Variants in HADHB observed in about 807,000 individuals in gnomAD.
HADHB encodes hydroxyacyl-CoA dehydrogenase trifunctional multienzyme complex subunit beta, also known as trifunctional enzyme subunit beta, mitochondrial.
HADHB carries 50 observed loss-of-function variants against 61.9 expected under a neutral mutation model. That is an observed-to-expected ratio of 0.81 (90% CI 0.64 to 1.02). The LOEUF is 1.02. Among genes scored for constraint, HADHB ranks in the 50% least tolerant of loss-of-function variants. HADHB has a pLI of 0.00. For missense variants in HADHB, 504 were observed against 586.5 expected (o/e 0.86, Z 1.45); for synonymous variants, 191 against 201.6 (o/e 0.95, Z 0.45).
chr2:26,264,834 A>G (rs2147811263), intron 4 of HADHB, among the ~76,000 whole-genome samples: 1 of 152,112 alleles, frequency 6.6e-6, no homozygotes, highest in East Asian at 1.9e-4. Flanking sequence ...TCTACTAAAT[A>G]CAAAAATTAG....
intron 1 of HADHB, among the ~76,000 whole-genome samples, chr2:26,246,143 A>G (rs1433295678): frequency 6.6e-6 from 1 of 152,208 alleles, no homozygotes; most frequent in East Asian, 1.9e-4. Context: ...TGATAATCTT[A>G]CAAGGTTTTT....
rs879639890 is a variant in HADHB, at chr2:26,248,385, C to CT, written c.-9+3408dup. On this transcript the variant is annotated intron_variant, in intron 1 of 15. Coordinates refer to ENST00000317799, the MANE Select transcript of HADHB (RefSeq NM_000183.3). ...GCTATAGTGAACACCTTGAGTATTT[C>CT]TTTTTTTTTTTTTGAGACGGAGTCT... Among the ~76,000 whole-genome samples the CT allele has an allele frequency of 2.0e-3, 290 of 144,966 alleles. 2 individuals carry two copies. The highest frequency in any genetic ancestry group is 7.0e-3 in the South Asian group (32 of 4,598).
intron 4 of HADHB, 101 bp from the exon 5 acceptor site, chr2:26,269,852 A>G: frequency 2.5e-6 from 2 of 807,070 alleles, no homozygotes; most frequent in South Asian, 1.3e-5. Context: ...GTGTGTTTGT[A>G]GCAGCATGTG....
chr2:26,277,219 A>T, intron 7 of HADHB, 59 bp downstream of exon 7: 41 of 692,178 alleles, frequency 5.9e-5, no homozygotes, highest in Non-Finnish European at 9.1e-5. Flanking sequence ...CTTTTACTTG[A>T]TTATAAAAAT....
At chr2:26,289,245 C>A (rs576648212) in intron 15 of HADHB, among the ~76,000 whole-genome samples, 1 of 152,136 alleles carries the variant, frequency 6.6e-6, no homozygotes, top group East Asian at 1.9e-4. Flanking sequence ...GAGGCACGGT[C>A]TCCAAAATAA....
At chr2:26,266,886 A>AAAAAAAAAAAAAAAAAAAAC (rs1672108223) in intron 4 of HADHB, among the ~76,000 whole-genome samples, 1 of 150,002 alleles carries the variant, frequency 6.7e-6, no homozygotes, top group Non-Finnish European at 1.5e-5. Flanking sequence ...AAAAAAAAAA[A>AAAAAAAAAAAAAAAAAAAAC]AAAAAAAAGG....
chr2:26,286,280 T>C (rs773309885), intron 15 of HADHB, among the ~76,000 whole-genome samples: 2 of 152,162 alleles, frequency 1.3e-5, no homozygotes, highest in Non-Finnish European at 2.9e-5. Context: ...CATAAGACTT[T>C]ATAAAATCTC....
chr2:26,274,271 C>T (rs889576329), intron 6 of HADHB, among the ~76,000 whole-genome samples: 5 of 152,304 alleles, frequency 3.3e-5, no homozygotes, highest in Middle Eastern at 6.8e-3. Flanking sequence ...CATGTAGTGT[C>T]GATTGGGCAA....
At chr2:26,279,047 AACTTTTCCAAATAAC>A in intron 8 of HADHB, 73 bp from the exon 9 acceptor site, 1 of 1,137,960 alleles carries the variant, frequency 8.8e-7, no homozygotes, top group Admixed American at 1.7e-5. Flanking sequence ...AATAGATTTT[AACTTTTCCAAATAAC>A]ACAGAACAAT....
chr2:26,272,444 C>G (rs1672383384), intron 5 of HADHB, among the ~76,000 whole-genome samples: 1 of 151,076 alleles, frequency 6.6e-6, no homozygotes, highest in African/African-American at 2.4e-5. Context: ...CTCCCAGGTT[C>G]AAGCAATTCT....
rs975269378 is a variant in HADHB at position 26,250,586 on chromosome 2, C to T, written c.-8-3661C>T. Among the ~76,000 whole-genome samples the T allele has an allele frequency of 2.0e-5, 3 of 151,358 alleles. 1 individual carries two copies. Among genetic ancestry groups the T allele is most frequent in the Non-Finnish European group, 4.4e-5 (3 of 67,926 alleles). The stretch of plus-strand genomic sequence containing the variant: ...TGGTGGCTCATGCTTGTAATCCCAG[C>T]ATGTTGGGAGGCCGAGGTAGGAGGA... On this transcript the variant is annotated intron_variant, in intron 1 of 15. Transcript: ENST00000317799.
Position 26,280,020 on chromosome 2 carries a change from G to A in HADHB, c.838G>A (p.Gly280Ser). Residue 280 changes from glycine (G) to serine (S), a missense_variant, in exon 10 of 16, where the codon GGC becomes AGC. By Grantham distance (56) the Gly-to-Ser change is moderately conservative. Coordinates refer to ENST00000317799, the MANE Select transcript of HADHB (RefSeq NM_000183.3). ...AAAAGATACAGTTACCAAAGATAATGGCATCCGTCCTTCCTCACTGGAGCA... is the reference window on the plus strand; with the variant it reads ...AAAAGATACAGTTACCAAAGATAATAGCATCCGTCCTTCCTCACTGGAGCA... ...PGKDTVTKDN[G>S]IRPSSLEQMA... The A allele has an allele frequency of 6.2e-7, 1 of 1,609,550 alleles. No homozygotes were observed. Among genetic ancestry groups the A allele is most frequent in the South Asian group, 1.1e-5 (1 of 90,930 alleles).
Position 26,284,961 on chromosome 2 carries a change from AG to A in HADHB, c.1224+5del. 1 of 1,472,954 alleles carries A rather than the reference AG, an allele frequency of 6.8e-7. No homozygotes were observed. The highest frequency in any genetic ancestry group is 9.5e-7 in the Non-Finnish European group (1 of 1,051,234). 91.2% of individuals were successfully genotyped at this position (1,472,954 alleles called of 1,614,324 possible). ...CTACATGGGTAGAAAAACCAAGGTG[AG>A]TTTCTAATTTTAAAAAATGCGTGAA... On this transcript the variant is annotated splice_donor_5th_base_variant and intron_variant, in intron 14 of 15. Coordinates refer to ENST00000317799, the MANE Select transcript of HADHB (RefSeq NM_000183.3).
chr2:26,275,369 A>AT (rs982774610), intron 6 of HADHB, among the ~76,000 whole-genome samples: 3 of 152,198 alleles, frequency 2.0e-5, no homozygotes, highest in African/African-American at 7.2e-5. Context: ...AAGGTTCAGC[A>AT]TATTTCCCTG....
Position 26,257,930 on chromosome 2 carries a change from C to A in HADHB, c.109+3456C>A, listed in dbSNP as rs111850284. ...GCTACTTGGGAGGCTGAGGCAGAAG[C>A]ATGGTGTGAACCCTGGAGGCAGAGC... On this transcript the variant is annotated intron_variant, in intron 3 of 15. Transcript: ENST00000317799. 6.3e-3 allele frequency among the ~76,000 whole-genome samples: 958 copies of A among 151,988 alleles called. 8 individuals are homozygous for A. The highest frequency in any genetic ancestry group is 0.022 in the African/African-American group (896 of 41,446).
At chr2:26,280,853 C>CAAA (rs10560210) in intron 10 of HADHB, among the ~76,000 whole-genome samples, 3 of 49,148 alleles carry the variant, frequency 6.1e-5, no homozygotes, top group African/African-American at 8.5e-5. Context: ...ACTCCCATCT[C>CAAA]AAAAAAAAAA....
chr2:26,253,750 G>A (rs948262872), intron 1 of HADHB, among the ~76,000 whole-genome samples: 1 of 151,982 alleles, frequency 6.6e-6, no homozygotes, highest in African/African-American at 2.4e-5. Context: ...CTACTCGGGA[G>A]GCTGAGGCAG....
intron 13 of HADHB, 115 bp downstream of exon 13, chr2:26,284,319 C>T (rs1384023968): frequency 5.2e-6 from 4 of 767,126 alleles, no homozygotes; most frequent in African/African-American, 3.4e-5. Context: ...AGTGGACCTG[C>T]ATATTTTAAG....
chr2:26,254,675 G>A, intron 3 of HADHB: 2 of 532,742 alleles, frequency 3.8e-6, no homozygotes. Context: ...TTAGGCTTGA[G>A]GATGTTAATG....
Sources: allele counts gnomAD v4.1 joint callset (sites outside exome capture counted in the v4.1 genomes callset), GRCh38; gene constraint gnomAD v4.1.1; transcripts MANE v1.5; gene names NCBI Gene and HGNC (gene_info 2026-07-23, HGNC 2026-07-21).